The following MRPS25 variants were observed in gnomAD, a reference collection of about 807,000 sequenced individuals.
The protein encoded by MRPS25 is mitochondrial ribosomal protein S25, also known as small ribosomal subunit protein mS25.
Under a neutral mutation model 17.3 loss-of-function variants are expected in MRPS25, and 15 were observed. That is an observed-to-expected ratio of 0.87 (90% CI 0.58 to 1.34). The LOEUF is 1.34. MRPS25 is among the 40% of genes most tolerant of loss of function. The pLI is 0.00. For missense variants in MRPS25, 225 were observed against 218.6 expected (o/e 1.03, Z -0.19); for synonymous variants, 94 against 83.3 (o/e 1.13, Z -0.70).
chr3:15,043,259 A>G (rs1294839637), downstream of MRPS25: 1 of 317,986 alleles, frequency 3.1e-6, no homozygotes, highest in Non-Finnish European at 5.7e-6. Flanking sequence ...CTCAATTTGT[A>G]TTTAGAAATT....
Position 15,050,243 on chromosome 3 carries a change from G to A in MRPS25, c.*2198C>T, listed in dbSNP as rs1016355706. On this transcript the variant is annotated 3_prime_UTR_variant, in exon 4 of 4. Coordinates refer to ENST00000253686, the MANE Select transcript of MRPS25 (RefSeq NM_022497.5). ...CAGGCAGTAACTGCACCACAGGACT[G>A]CTGCTGTCTCCACACGTCCTTTCAG... 9.6e-6 allele frequency: 11 copies of A among 1,145,760 alleles called. No individual in the cohort carries two copies. Among genetic ancestry groups the A allele is most frequent in the Non-Finnish European group, 1.2e-5 (11 of 931,016 alleles). 71.0% of individuals were successfully genotyped at this position (1,145,760 alleles called of 1,614,324 possible).
At chr3:15,063,851 C>G (rs1297270459) in intron 1 of MRPS25, among the ~76,000 whole-genome samples, 1 of 152,030 alleles carries the variant, frequency 6.6e-6, no homozygotes, top group Admixed American at 6.5e-5. Flanking sequence ...TTCCCATTAT[C>G]TGCCTGGCAG....
Position 15,048,732 on chromosome 3 carries a change from A to C in MRPS25, c.*3709T>G, listed in dbSNP as rs2042543164. The stretch of plus-strand genomic sequence containing the variant: ...CTACAGTCTCTCTGTTCTACGGATT[A>C]TCTTGTAAACCAGTGTTCAACTAGT... On this transcript the variant is annotated 3_prime_UTR_variant, in exon 4 of 4. Coordinates refer to ENST00000253686, the MANE Select transcript of MRPS25 (RefSeq NM_022497.5). 1 of 152,658 alleles carries C rather than the reference A, an allele frequency of 6.6e-6. No homozygotes were observed. The highest frequency in any genetic ancestry group is 6.5e-5 in the Admixed American group (1 of 15,288). The allele number at this position is 152,658 out of a possible 1,614,324, so 9.5% of individuals were successfully genotyped here. A position where few individuals can be genotyped will look rare whatever the true frequency, so the allele number is the denominator to read the frequency against.
chr3:15,050,309 A>G lies in MRPS25; in HGVS notation c.*2132T>C. 9.2e-7 allele frequency: 1 copy of G among 1,085,202 alleles called. No individual in the cohort carries two copies. Among genetic ancestry groups the G allele is most frequent in the Non-Finnish European group, 1.1e-6 (1 of 894,202 alleles). 67.2% of individuals were successfully genotyped at this position (1,085,202 alleles called of 1,614,324 possible). On this transcript the variant is annotated 3_prime_UTR_variant, in exon 4 of 4. Coordinates refer to ENST00000253686, the MANE Select transcript of MRPS25 (RefSeq NM_022497.5). ...CCTCACTGCCCATTGCTCCTGTGTC[A>G]AGCCTGAACTCAAACCCTAGTTATC...
In MRPS25 at chr3:15,049,791, G is replaced by C. The variant is rs772434506; in HGVS notation, c.*2650C>G. ...TGGCAGGCAGATAGGGCCTCACTCC[G>C]TCACCCAGGCTGGAATGCAGTGGTA... On this transcript the variant is annotated 3_prime_UTR_variant, in exon 4 of 4. Coordinates refer to ENST00000253686, the MANE Select transcript of MRPS25 (RefSeq NM_022497.5). 2.5e-6 allele frequency: 2 copies of C among 799,766 alleles called. No individual in the cohort carries two copies. The highest frequency in any genetic ancestry group is 3.2e-5 in the South Asian group (2 of 63,330). The allele number at this position is 799,766 out of a possible 1,614,324, so 49.5% of individuals were successfully genotyped here.
In MRPS25 at chr3:15,050,371, G is replaced by A. The variant is rs757255178; in HGVS notation, c.*2070C>T. On this transcript the variant is annotated 3_prime_UTR_variant, in exon 4 of 4. Transcript: ENST00000253686. ...GGACCAGACATTTATTCTGTCTAGA[G>A]AATGGTCACCACTCCTTTTGGTTCA... 13 of 1,032,252 alleles carry A rather than the reference G, an allele frequency of 1.3e-5. No individual in the cohort carries two copies. Among genetic ancestry groups the A allele is most frequent in the African/African-American group, 1.7e-5 (1 of 57,474 alleles). The allele number at this position is 1,032,252 out of a possible 1,614,324, so 63.9% of individuals were successfully genotyped here.
downstream of MRPS25, chr3:15,043,282 A>C (rs1324501457): frequency 3.8e-6 from 1 of 263,740 alleles, no homozygotes; most frequent in Non-Finnish European, 7.1e-6. Flanking sequence ...CAAAGGGCAA[A>C]AAACAAAAAA....
chr3:15,050,691 T>C lies in MRPS25; in HGVS notation c.*1750A>G. 1 of 985,398 alleles carries C rather than the reference T, an allele frequency of 1.0e-6. No homozygotes were observed. Among genetic ancestry groups the C allele is most frequent in the Non-Finnish European group, 1.2e-6 (1 of 829,926 alleles). The allele number at this position is 985,398 out of a possible 1,614,324, so 61.0% of individuals were successfully genotyped here. ...GATAGCAGAGAGACAAGATGCTAGATTTCAATTAAACACTCCCTTTGTAAG... is the reference window on the plus strand; with the variant it reads ...GATAGCAGAGAGACAAGATGCTAGACTTCAATTAAACACTCCCTTTGTAAG... On this transcript the variant is annotated 3_prime_UTR_variant, in exon 4 of 4. Transcript: ENST00000253686.
At position 15,052,440 on chromosome 3, in the gene MRPS25, C is replaced by T. The variant is rs2042617349; in HGVS notation, c.*1G>A. 6.2e-7 allele frequency: 1 copy of T among 1,612,496 alleles called. No homozygotes were observed. Among genetic ancestry groups the T allele is most frequent in the Non-Finnish European group, 8.5e-7 (1 of 1,178,660 alleles). On this transcript the variant is annotated 3_prime_UTR_variant, in exon 4 of 4. Coordinates refer to ENST00000253686, the MANE Select transcript of MRPS25 (RefSeq NM_022497.5). ...ACCCCAGCCCACAGTGACCGTGGGCCTTAGTCCTGGGCATCGGCTTTCAGA... is the reference window on the plus strand; with the variant it reads ...ACCCCAGCCCACAGTGACCGTGGGCTTTAGTCCTGGGCATCGGCTTTCAGA...
intron 1 of MRPS25, among the ~76,000 whole-genome samples, chr3:15,061,679 C>T (rs2042763823): frequency 6.6e-6 from 1 of 151,480 alleles, no homozygotes; most frequent in East Asian, 2.0e-4. Flanking sequence ...GGCCGCCCAT[C>T]ATCTGGGATG....
Position 15,062,008 on chromosome 3 carries a change from G to A in MRPS25, c.135-2533C>T, listed in dbSNP as rs1358267823. 7.6e-5 allele frequency among the ~76,000 whole-genome samples: 11 copies of A among 145,634 alleles called. No individual in the cohort carries two copies. In the East Asian group the frequency reaches 1.0e-3, roughly 14 times the overall value. On this transcript the variant is annotated intron_variant, in intron 1 of 3. Transcript: ENST00000253686. ...CCGCCCCGTCTGGGAAGTGAGGAGCGTCTCCGCCCGGCAGCCGCCCCGTCC... is the reference window on the plus strand; with the variant it reads ...CCGCCCCGTCTGGGAAGTGAGGAGCATCTCCGCCCGGCAGCCGCCCCGTCC...
downstream of MRPS25, chr3:15,046,987 T>C (rs1168582630): frequency 1.3e-5 from 2 of 152,690 alleles, no homozygotes; most frequent in Non-Finnish European, 2.9e-5. Flanking sequence ...GCACTTCGTA[T>C]GTCCAGCCCT....
At chr3:15,042,722 G>T (rs1286791941), downstream of MRPS25, 1 of 862,192 alleles carries the variant, frequency 1.2e-6, no homozygotes, top group Non-Finnish European at 1.8e-6. Flanking sequence ...GTGGATGGTG[G>T]ATCCGTTTGG....
downstream of MRPS25, chr3:15,047,829 CTCCTT>C (rs2042509275): frequency 6.6e-6 from 1 of 152,202 alleles, no homozygotes; most frequent in Non-Finnish European, 1.5e-5. Flanking sequence ...ATGACTTTAA[CTCCTT>C]TCTATAAGTT....
chr3:15,054,557 A>T (rs2042646675), intron 2 of MRPS25, among the ~76,000 whole-genome samples: 1 of 152,186 alleles, frequency 6.6e-6, no homozygotes, highest in Admixed American at 6.5e-5. Context: ...AAAAATTAAA[A>T]CTCAAAATGG....
At chr3:15,045,396 A>T (rs558817105), downstream of MRPS25, 3 of 152,816 alleles carry the variant, frequency 2.0e-5, no homozygotes, top group Non-Finnish European at 4.4e-5. Flanking sequence ...GCTGTGGTGA[A>T]ACAACCTTGC....
intron 1 of MRPS25, among the ~76,000 whole-genome samples, chr3:15,064,387 C>G (rs2042826216): frequency 6.6e-6 from 1 of 152,176 alleles, no homozygotes; most frequent in African/African-American, 2.4e-5. Flanking sequence ...CCCTACAGTT[C>G]CTTCTAGTCG....
chr3:15,055,203 C>T (rs1409583196), intron 2 of MRPS25, among the ~76,000 whole-genome samples: 1 of 152,198 alleles, frequency 6.6e-6, no homozygotes, highest in Non-Finnish European at 1.5e-5. Flanking sequence ...AAACCGCCCC[C>T]ACGGTGACTA....
In MRPS25 at chr3:15,051,146, C is replaced by T. The variant is rs1046427059; in HGVS notation, c.*1295G>A. On this transcript the variant is annotated 3_prime_UTR_variant, in exon 4 of 4. Transcript: ENST00000253686. ...CTCCTTGGCTGAGTTTCTAGGGGTC[C>T]GTGGTCCAACTGGTCCTTCACTTTA... 31 of 985,208 alleles carry T rather than the reference C, an allele frequency of 3.1e-5. No homozygotes were observed. Among genetic ancestry groups the T allele is most frequent in the South Asian group, 9.4e-5 (2 of 21,286 alleles). The allele number at this position is 985,208 out of a possible 1,614,324, so 61.0% of individuals were successfully genotyped here. A position where few individuals can be genotyped will look rare whatever the true frequency, so the allele number is the denominator to read the frequency against.
Sources: allele counts gnomAD v4.1 joint callset (sites outside exome capture counted in the v4.1 genomes callset), GRCh38; gene constraint gnomAD v4.1.1; transcripts MANE v1.5; gene names NCBI Gene and HGNC (gene_info 2026-07-23, HGNC 2026-07-21).